Variants in RARB observed in about 807,000 individuals in gnomAD.
The protein encoded by RARB is retinoic acid receptor beta.
In RARB, 17 loss-of-function variants were observed where a neutral mutation model predicts 51.9. The observed-to-expected ratio is 0.33, with a 90% CI of 0.22 to 0.49. The LOEUF is 0.49. Ranked by LOEUF, RARB falls within the 20% of genes least tolerant of loss-of-function variation. The pLI, the probability that RARB is intolerant of heterozygous loss-of-function variation, is 0.99. For missense variants in RARB, 369 were observed against 550.8 expected, an observed-to-expected ratio of 0.67 and a Z score of 3.30; for synonymous variants, 215 against 195.4, an observed-to-expected ratio of 1.10 and a Z score of -0.84.
intron 2 of RARB, among the ~76,000 whole-genome samples, chr3:24,975,949 G>C (rs530939006): frequency 6.6e-6 from 1 of 152,128 alleles, no homozygotes; most frequent in Non-Finnish European, 1.5e-5. Flanking sequence ...GCCCCAGTGT[G>C]GGGTATTCCC....
intron 2 of RARB, among the ~76,000 whole-genome samples, chr3:24,937,268 T>C (rs1695565404): frequency 6.6e-6 from 1 of 152,160 alleles, no homozygotes; most frequent in African/African-American, 2.4e-5. Context: ...AACTAGTTGC[T>C]ACTCAATTTG....
At chr3:25,371,231 A>G (rs1332918931) in intron 5 of RARB, among the ~76,000 whole-genome samples, 1 of 152,136 alleles carries the variant, frequency 6.6e-6, no homozygotes, top group Non-Finnish European at 1.5e-5. Context: ...ATGGATTAAT[A>G]CCATTATTTT....
chr3:24,891,667 A>G (rs1454332259), intron 2 of RARB, among the ~76,000 whole-genome samples: 2 of 152,148 alleles, frequency 1.3e-5, no homozygotes, highest in Admixed American at 6.5e-5. Flanking sequence ...TGTGGGGGGA[A>G]TCAGCCAAAC....
chr3:24,888,062 T>A (rs1434624348), intron 2 of RARB, among the ~76,000 whole-genome samples: 1 of 152,162 alleles, frequency 6.6e-6, no homozygotes, highest in Non-Finnish European at 1.5e-5. Flanking sequence ...TCATGAGTAA[T>A]GATTAAAGTA....
intron 2 of RARB, among the ~76,000 whole-genome samples, chr3:24,937,354 C>T (rs1213852783): frequency 6.6e-6 from 1 of 152,132 alleles, no homozygotes; most frequent in African/African-American, 2.4e-5. Flanking sequence ...ACACCCAGTT[C>T]TCTTGCATGA....
chr3:25,041,583 C>A (rs1698115731), intron 2 of RARB, among the ~76,000 whole-genome samples: 1 of 150,170 alleles, frequency 6.7e-6, no homozygotes. Flanking sequence ...ATACATGGAT[C>A]AAAATTGATG....
intron 2 of RARB, among the ~76,000 whole-genome samples, chr3:25,000,774 A>G (rs750999200): frequency 3.3e-5 from 5 of 152,178 alleles, no homozygotes; most frequent in African/African-American, 7.2e-5. Context: ...TCTGTCAGTA[A>G]TAATTGTACT....
intron 3 of RARB, among the ~76,000 whole-genome samples, chr3:25,063,780 G>A (rs1466224274): frequency 1.3e-5 from 2 of 151,436 alleles, no homozygotes; most frequent in Non-Finnish European, 2.9e-5. Flanking sequence ...GGGTTACCAC[G>A]GGTTATATTT....
At chr3:25,473,925 A>AAAAAAAAAAAAAC (rs763479260) in intron 2 of RARB, among the ~76,000 whole-genome samples, 1 of 150,394 alleles carries the variant, frequency 6.6e-6, no homozygotes, top group African/African-American at 2.4e-5. Context: ...TGGCAGGAAA[A>AAAAAAAAAAAAAC]AAAAAAAACC....
chr3:25,450,913 G>A lies in RARB; in HGVS notation c.158-10280G>A, dbSNP rs376479653. Among the ~76,000 whole-genome samples the A allele has an allele frequency of 3.9e-5, 6 of 152,116 alleles. No individual in the cohort carries two copies. The South Asian group carries it at 6.2e-4, about 16-fold the overall frequency. On this transcript the variant is annotated intron_variant, in intron 1 of 7. Transcript: ENST00000330688. ...GAGCCTGGCTAACATGGTGAAACCC[G>A]GTTTCCACTAAAAATACAAAAAAAT...
chr3:25,313,632 T>C (rs1030982626), intron 5 of RARB, among the ~76,000 whole-genome samples: 2 of 152,216 alleles, frequency 1.3e-5, no homozygotes, highest in African/African-American at 2.4e-5. Context: ...TTGCTTTAGG[T>C]AACTGTAAAA....
chr3:25,162,171 C>T (rs1163797087), intron 4 of RARB, among the ~76,000 whole-genome samples: 1 of 152,170 alleles, frequency 6.6e-6, no homozygotes, highest in African/African-American at 2.4e-5. Context: ...GTGGTGTGAT[C>T]ATAGCTCATG....
At chr3:25,046,340 A>C (rs1230806660) in intron 2 of RARB, among the ~76,000 whole-genome samples, 1 of 152,266 alleles carries the variant, frequency 6.6e-6, no homozygotes, top group Non-Finnish European at 1.5e-5. Flanking sequence ...GAGACTGAGA[A>C]ACTACAGGTC....
intron 2 of RARB, among the ~76,000 whole-genome samples, chr3:25,496,773 A>G (rs1464969095): frequency 6.6e-6 from 1 of 152,206 alleles, no homozygotes; most frequent in Non-Finnish European, 1.5e-5. Flanking sequence ...GTGACCTCAT[A>G]GAATTTTCCT....
At chr3:25,537,563 A>C (rs898382318) in intron 3 of RARB, among the ~76,000 whole-genome samples, 2 of 152,134 alleles carry the variant, frequency 1.3e-5, no homozygotes, top group African/African-American at 4.8e-5. Context: ...GGTGCCCTTG[A>C]TTCCTAACCC....
chr3:25,349,373 A>G (rs866559023), intron 5 of RARB, among the ~76,000 whole-genome samples: 25 of 152,178 alleles, frequency 1.6e-4, no homozygotes, highest in South Asian at 4.1e-4. Context: ...TGAGGTTGAT[A>G]GTGTTGTCAG....
intron 5 of RARB, among the ~76,000 whole-genome samples, chr3:25,391,450 A>G (rs1023541190): frequency 6.6e-6 from 1 of 152,122 alleles, no homozygotes; most frequent in African/African-American, 2.4e-5. Context: ...ATCTACTTTT[A>G]GTTCTTTAAG....
intron 2 of RARB, among the ~76,000 whole-genome samples, chr3:24,970,154 A>G (rs563585201): frequency 1.4e-4 from 21 of 152,226 alleles, no homozygotes; most frequent in South Asian, 6.2e-4. Context: ...CTGTGTTTCA[A>G]TTAAACTTTA....
At position 25,006,886 on chromosome 3, in the gene RARB, T is replaced by C. The variant is rs570309446; in HGVS notation, c.-379-53239T>C. On this transcript the variant is annotated intron_variant, in intron 2 of 11. Coordinates refer to the RARB transcript ENST00000383772. The stretch of plus-strand genomic sequence containing the variant: ...TTTTTTTAACAACAAATTTTTTATG[T>C]CCTAGAGCTCCTTATAATGAAAGCA... Among the ~76,000 whole-genome samples, 7 of 152,304 alleles carry C rather than the reference T, an allele frequency of 4.6e-5. No homozygotes were observed. The South Asian group carries it at 1.2e-3, about 27-fold the overall frequency.
Sources: allele counts gnomAD v4.1 joint callset (sites outside exome capture counted in the v4.1 genomes callset), GRCh38; gene constraint gnomAD v4.1.1; transcripts MANE v1.5; gene names NCBI Gene and HGNC (gene_info 2026-07-23, HGNC 2026-07-21).